C12orf75: variants seen among roughly 807,000 people sequenced by gnomAD.
The protein encoded by C12orf75 is overexpressed in colon carcinoma 1 protein.
Under a neutral mutation model 11.4 loss-of-function variants are expected in C12orf75, and 4 were observed. The observed-to-expected ratio is 0.35, with a 90% CI of 0.17 to 0.80. C12orf75 has a LOEUF of 0.80. Ranked by LOEUF, C12orf75 falls within the 30% of genes least tolerant of loss-of-function variation. The pLI is 0.52. For missense variants in C12orf75, 89 were observed against 80.4 expected (o/e 1.11, Z -0.41); for synonymous variants, 30 against 30.0 (o/e 1.00, Z 0.00).
At chr12:105,353,934 A>G (rs1360474024) in intron 2 of C12orf75, among the ~76,000 whole-genome samples, 1 of 152,254 alleles carries the variant, frequency 6.6e-6, no homozygotes, top group Non-Finnish European at 1.5e-5. Context: ...GAAATGACAT[A>G]AAACCCATTG....
intron 2 of C12orf75, among the ~76,000 whole-genome samples, chr12:105,351,099 C>T (rs963100476): frequency 5.3e-5 from 8 of 152,246 alleles, no homozygotes; most frequent in African/African-American, 1.9e-4. Flanking sequence ...AAGGTATATT[C>T]AGGCACGTTC....
In C12orf75 at chr12:105,350,019, C is replaced by A. The variant is rs892809482; in HGVS notation, c.71+1393C>A. Among the ~76,000 whole-genome samples, 11 of 152,150 alleles carry A rather than the reference C, an allele frequency of 7.2e-5. 1 individual carries two copies. The highest frequency in any genetic ancestry group is 1.0e-4 in the Non-Finnish European group (7 of 68,026). On this transcript the variant is annotated intron_variant, in intron 2 of 5. Coordinates refer to ENST00000443585, the MANE Select transcript of C12orf75 (RefSeq NM_001145199.2). ...ATTAGGACTTTAGATACAAAGGAAG[C>A]AGTAATTGATGGCTTCTAGCTCCTG...
chr12:105,347,191 A>G (rs925095069), intron 1 of C12orf75, among the ~76,000 whole-genome samples: 1 of 152,246 alleles, frequency 6.6e-6, no homozygotes, highest in East Asian at 1.9e-4. Flanking sequence ...AGTAATGGGG[A>G]TGGAGACCAG....
At chr12:105,348,473 CT>C in intron 1 of C12orf75, 128 bp from the exon 2 acceptor site, 1 of 369,220 alleles carries the variant, frequency 2.7e-6, no homozygotes, top group Non-Finnish European at 4.8e-6. Flanking sequence ...CCTCCTTTCT[CT>C]GTTTTTGAAA....
intron 1 of C12orf75, among the ~76,000 whole-genome samples, chr12:105,347,137 T>C (rs1566138216): frequency 1.3e-5 from 2 of 152,194 alleles, no homozygotes; most frequent in Non-Finnish European, 1.5e-5. Flanking sequence ...GCCTCCCAGA[T>C]AAAGATATTG....
At chr12:105,347,345 C>G (rs566943959) in intron 1 of C12orf75, among the ~76,000 whole-genome samples, 1 of 152,150 alleles carries the variant, frequency 6.6e-6, no homozygotes, top group Non-Finnish European at 1.5e-5. Context: ...CACAATAGGC[C>G]GTCTGCAAGC....
chr12:105,356,439 C>CTTTTTTTTTT (rs77310165), intron 2 of C12orf75, among the ~76,000 whole-genome samples: 59 of 106,312 alleles, frequency 5.5e-4, no homozygotes, highest in African/African-American at 1.0e-3. Context: ...AGACTACAGG[C>CTTTTTTTTTT]TTTTTTTTTT....
At chr12:105,358,573 A>G (rs1239131642) in intron 2 of C12orf75, among the ~76,000 whole-genome samples, 1 of 152,178 alleles carries the variant, frequency 6.6e-6, no homozygotes, top group Non-Finnish European at 1.5e-5. Context: ...TCCTGATAAG[A>G]TGGTATTTGA....
chr12:105,339,079 C>T (rs2136141120), intron 1 of C12orf75, among the ~76,000 whole-genome samples: 1 of 152,122 alleles, frequency 6.6e-6, no homozygotes, highest in Admixed American at 6.5e-5. Flanking sequence ...TTTTTTATTG[C>T]ACTCTGAAAA....
At chr12:105,330,965 C>CG in intron 1 of C12orf75, 28 bp downstream of exon 1, 1 of 833,980 alleles carries the variant, frequency 1.2e-6, no homozygotes, top group African/African-American at 1.8e-5. Flanking sequence ...CGGGGGCCGG[C>CG]GGGGGCGGGC....
intron 1 of C12orf75, among the ~76,000 whole-genome samples, chr12:105,339,479 A>G (rs1248788563): frequency 6.6e-6 from 1 of 151,654 alleles, no homozygotes; most frequent in African/African-American, 2.4e-5. Context: ...TGGTTTGAAG[A>G]ATGTAACTTA....
chr12:105,332,676 A>G (rs1005069464), intron 1 of C12orf75, among the ~76,000 whole-genome samples: 2 of 151,422 alleles, frequency 1.3e-5, no homozygotes, highest in Non-Finnish European at 2.9e-5. Context: ...GGTTGCAGTG[A>G]GCTGAGATCG....
At chr12:105,363,948 CTA>C (rs1366179204) in intron 2 of C12orf75, among the ~76,000 whole-genome samples, 1 of 152,128 alleles carries the variant, frequency 6.6e-6, no homozygotes, top group East Asian at 1.9e-4. Flanking sequence ...AAGTAAATGA[CTA>C]TTTTCTTACA....
chr12:105,357,724 A>G (rs766258642), intron 2 of C12orf75, among the ~76,000 whole-genome samples: 8 of 151,864 alleles, frequency 5.3e-5, no homozygotes, highest in Non-Finnish European at 1.0e-4. Flanking sequence ...AAGAAGCTAC[A>G]TTTTTTTGCT....
At chr12:105,358,999 C>T (rs973783904) in intron 2 of C12orf75, among the ~76,000 whole-genome samples, 4 of 152,182 alleles carry the variant, frequency 2.6e-5, no homozygotes, top group Non-Finnish European at 5.9e-5. Context: ...CTCTAATGGA[C>T]TTAATGTCTA....
At chr12:105,357,086 A>G (rs1475335186) in intron 2 of C12orf75, among the ~76,000 whole-genome samples, 3 of 152,226 alleles carry the variant, frequency 2.0e-5, no homozygotes, top group Admixed American at 2.0e-4. Flanking sequence ...ACAAGAAGAC[A>G]GAGCTTATTT....
intron 1 of C12orf75, among the ~76,000 whole-genome samples, chr12:105,340,021 A>G (rs80279817): frequency 0.016 from 2,364 of 152,348 alleles, 66 homozygotes; most frequent in African/African-American, 0.054. Context: ...ATAATACTGA[A>G]GACATGCTGG....
intron 5 of C12orf75, among the ~76,000 whole-genome samples, chr12:105,368,727 A>G (rs1403558965): frequency 6.6e-6 from 1 of 152,174 alleles, no homozygotes. Context: ...CTTACCTGCT[A>G]GAGAAAGGAG....
intron 2 of C12orf75, among the ~76,000 whole-genome samples, chr12:105,362,215 T>A (rs1892877702): frequency 6.6e-6 from 1 of 151,200 alleles, no homozygotes; most frequent in Admixed American, 6.6e-5. Flanking sequence ...TGAAACCCCG[T>A]CTCTACTAAA....
Sources: allele counts gnomAD v4.1 joint callset (sites outside exome capture counted in the v4.1 genomes callset), GRCh38; gene constraint gnomAD v4.1.1; transcripts MANE v1.5; gene names NCBI Gene and HGNC (gene_info 2026-07-23, HGNC 2026-07-21).